Variants in GABBR2 observed in about 807,000 individuals in gnomAD.
The protein encoded by GABBR2 is G-protein coupled receptor 51.
A neutral mutation model predicts 105.6 loss-of-function variants in GABBR2; 23 were observed. That is an observed-to-expected ratio of 0.22 (90% CI 0.16 to 0.31). The LOEUF (loss-of-function observed/expected upper bound fraction) is 0.31. GABBR2 is among the 10% of genes least tolerant of loss of function. The pLI, the probability that GABBR2 is intolerant of heterozygous loss-of-function variation, is 1.00. For synonymous variants in GABBR2, 478 were observed against 499.7 expected, an observed-to-expected ratio of 0.96 and a Z score of 0.58; for missense variants, 734 against 1,245.5, an observed-to-expected ratio of 0.59 and a Z score of 6.18.
chr9:98,402,019 A>G (rs958924261), intron 8 of GABBR2, among the ~76,000 whole-genome samples: 11 of 152,190 alleles, frequency 7.2e-5, no homozygotes, highest in Non-Finnish European at 1.6e-4. Flanking sequence ...GTACGTTCTG[A>G]ATGACAATTA....
At chr9:98,657,439 C>A (rs1310245352) in intron 1 of GABBR2, among the ~76,000 whole-genome samples, 1 of 152,216 alleles carries the variant, frequency 6.6e-6, no homozygotes, top group Admixed American at 6.5e-5. Flanking sequence ...TCCCTTACGC[C>A]TGTTCTCTTC....
chr9:98,332,124 C>T (rs1182364092), intron 13 of GABBR2, among the ~76,000 whole-genome samples: 3 of 152,160 alleles, frequency 2.0e-5, no homozygotes, highest in Admixed American at 6.5e-5. Flanking sequence ...CTCTGAGCCC[C>T]ACTTGCTACC....
chr9:98,661,691 G>A lies in GABBR2; in HGVS notation c.321+46726C>T, dbSNP rs192017039. On this transcript the variant is annotated intron_variant, in intron 1 of 18. Transcript: ENST00000259455. ...GCTGGGATTACAGGCGTGAGCCACC[G>A]CGCCTGGCCTGTGATGACTATGTTA... 3.5e-4 allele frequency among the ~76,000 whole-genome samples: 54 copies of A among 152,260 alleles called. 1 individual carries two copies. In the East Asian group the frequency reaches 9.9e-3, roughly 28 times the overall value.
At chr9:98,406,534 C>T (rs959438929) in intron 7 of GABBR2, among the ~76,000 whole-genome samples, 3 of 152,366 alleles carry the variant, frequency 2.0e-5, no homozygotes, top group South Asian at 2.1e-4. Context: ...CCCTGTGCCC[C>T]ACCCATAAAG....
chr9:98,607,232 T>C (rs1278692098), intron 1 of GABBR2: 1 of 1,433,994 alleles, frequency 7.0e-7, no homozygotes, highest in African/African-American at 1.4e-5. Flanking sequence ...TCGACTACAT[T>C]GATAATAAAC....
chr9:98,304,364 G>C (rs1011489024), intron 15 of GABBR2: 1 of 152,390 alleles, frequency 6.6e-6, no homozygotes, highest in Admixed American at 6.5e-5. Flanking sequence ...GAGACCCAAG[G>C]GTCCTGAGAG....
chr9:98,406,019 T>C (rs1832483200), intron 8 of GABBR2, 62 bp downstream of exon 8: 1 of 941,822 alleles, frequency 1.1e-6, no homozygotes, highest in African/African-American at 1.6e-5. Flanking sequence ...TTATATTGCA[T>C]AAAACAACAT....
intron 1 of GABBR2, among the ~76,000 whole-genome samples, chr9:98,617,984 T>C (rs543461051): frequency 1.3e-5 from 2 of 152,206 alleles, no homozygotes; most frequent in Non-Finnish European, 2.9e-5. Flanking sequence ...CCAATTGGCT[T>C]CTCTGTGAGG....
intron 13 of GABBR2, among the ~76,000 whole-genome samples, chr9:98,340,099 A>G (rs1197406296): frequency 6.6e-6 from 1 of 151,930 alleles, no homozygotes; most frequent in Non-Finnish European, 1.5e-5. Flanking sequence ...GTAGGACACC[A>G]TGGTGGGGGA....
At chr9:98,298,433 G>A (rs1830416461) in intron 17 of GABBR2, among the ~76,000 whole-genome samples, 2 of 152,226 alleles carry the variant, frequency 1.3e-5, no homozygotes. Flanking sequence ...ACACCTGGGA[G>A]TATTTGCAAG....
chr9:98,620,168 T>TAC (rs751827276), intron 1 of GABBR2, among the ~76,000 whole-genome samples: 1 of 152,210 alleles, frequency 6.6e-6, no homozygotes. Context: ...TTTTCAAATC[T>TAC]ACAGTAAAGC....
At chr9:98,514,954 A>T (rs1411571042) in intron 3 of GABBR2, among the ~76,000 whole-genome samples, 1 of 152,132 alleles carries the variant, frequency 6.6e-6, no homozygotes, top group Non-Finnish European at 1.5e-5. Flanking sequence ...CACCAAACCC[A>T]GGGGACTGGC....
intron 1 of GABBR2, among the ~76,000 whole-genome samples, chr9:98,598,802 C>T (rs2131802559): frequency 6.6e-6 from 1 of 152,276 alleles, no homozygotes; most frequent in Non-Finnish European, 1.5e-5. Context: ...TAGGAGGCGG[C>T]ATCACACAGC....
intron 3 of GABBR2, among the ~76,000 whole-genome samples, chr9:98,540,819 GAAAA>G (rs1185080973): frequency 1.3e-5 from 2 of 152,170 alleles, no homozygotes; most frequent in Non-Finnish European, 2.9e-5. Flanking sequence ...AAGCAAATGG[GAAAA>G]AAGACAGGAG....
chr9:98,542,562 T>C (rs1256745846), intron 2 of GABBR2, among the ~76,000 whole-genome samples: 2 of 152,250 alleles, frequency 1.3e-5, no homozygotes, highest in Non-Finnish European at 2.9e-5. Flanking sequence ...TCTTTGTACA[T>C]AGCATTTTTG....
intron 7 of GABBR2, among the ~76,000 whole-genome samples, chr9:98,407,865 C>G (rs1832517715): frequency 6.6e-6 from 1 of 152,190 alleles, no homozygotes; most frequent in African/African-American, 2.4e-5. Context: ...GAAGCAAGAT[C>G]TGTCATATTT....
chr9:98,648,288 C>T (rs949334036), intron 1 of GABBR2, among the ~76,000 whole-genome samples: 4 of 152,082 alleles, frequency 2.6e-5, no homozygotes, highest in Non-Finnish European at 5.9e-5. Flanking sequence ...GCTGCCACCA[C>T]GCCCAGCTAA....
intron 1 of GABBR2, among the ~76,000 whole-genome samples, chr9:98,595,874 A>T (rs1053005690): frequency 1.3e-5 from 2 of 152,124 alleles, no homozygotes; most frequent in Non-Finnish European, 2.9e-5. Flanking sequence ...TCCCACAGCC[A>T]TAAGTCCTCT....
In GABBR2 at chr9:98,291,169, C is replaced by T. The variant is rs1830297870; in HGVS notation, c.2661-420G>A. 1.3e-5 allele frequency among the ~76,000 whole-genome samples: 2 copies of T among 152,170 alleles called. 1 individual carries two copies. Among genetic ancestry groups the T allele is most frequent in the Non-Finnish European group, 2.9e-5 (2 of 68,042 alleles). ...AAATATCCTAGCTGAGCCTCGCCTACCTTAAATGTGCTCAGAACACTTACA... is the reference window on the plus strand; with the variant it reads ...AAATATCCTAGCTGAGCCTCGCCTATCTTAAATGTGCTCAGAACACTTACA... On this transcript the variant is annotated intron_variant, in intron 18 of 18. Transcript: ENST00000259455.
Sources: gnomAD v4.1 joint callset for allele counts (sites outside exome capture counted in the v4.1 genomes callset) on GRCh38, gnomAD v4.1.1 for gene constraint, MANE v1.5 for transcripts, NCBI Gene and HGNC (gene_info 2026-07-23, HGNC 2026-07-21) for gene names.